The following TIAM1 variants were observed in gnomAD, a reference collection of about 807,000 sequenced individuals.
TIAM1 encodes rho guanine nucleotide exchange factor TIAM1.
A neutral mutation model predicts 163.5 loss-of-function variants in TIAM1; 65 were observed. The ratio of observed to expected loss-of-function variants is 0.40; its 90% CI spans 0.33 to 0.49. TIAM1 has a LOEUF of 0.49. Among genes scored for constraint, TIAM1 ranks in the 20% least tolerant of loss-of-function variants. TIAM1 has a pLI of 0.77. For missense variants in TIAM1, 1,789 were observed against 2,044.7 expected (o/e 0.87, Z 2.41); for synonymous variants, 833 against 810.1 (o/e 1.03, Z -0.48).
chr21:31,556,898 A>C (rs997205320), intron 1 of TIAM1, among the ~76,000 whole-genome samples: 2 of 152,222 alleles, frequency 1.3e-5, no homozygotes, highest in African/African-American at 2.4e-5. Context: ...ATATGCTGGA[A>C]ACCAACAATT....
chr21:31,519,741 G>T (rs1473528745), intron 1 of TIAM1, among the ~76,000 whole-genome samples: 2 of 152,090 alleles, frequency 1.3e-5, no homozygotes, highest in African/African-American at 2.4e-5. Context: ...AGGAAATTCT[G>T]GCACGCACTG....
chr21:31,467,214 C>G (rs2045565717), intron 1 of TIAM1, among the ~76,000 whole-genome samples: 1 of 152,148 alleles, frequency 6.6e-6, no homozygotes, highest in South Asian at 2.1e-4. Context: ...TGCCTGTTGC[C>G]CTGGCTACTT....
At chr21:31,550,842 A>G (rs1303599670) in intron 1 of TIAM1, among the ~76,000 whole-genome samples, 1 of 152,186 alleles carries the variant, frequency 6.6e-6, no homozygotes, top group African/African-American at 2.4e-5. Flanking sequence ...GAGGGATTAA[A>G]AGTCACTGTC....
intron 2 of TIAM1, among the ~76,000 whole-genome samples, chr21:31,398,454 C>T (rs1033777482): frequency 6.6e-6 from 1 of 152,162 alleles, no homozygotes; most frequent in African/African-American, 2.4e-5. Flanking sequence ...TTTTACTCCA[C>T]TAAAAATGAG....
chr21:31,331,871 C>T (rs1051428110), intron 2 of TIAM1, among the ~76,000 whole-genome samples: 2 of 152,176 alleles, frequency 1.3e-5, no homozygotes, highest in African/African-American at 4.8e-5. Flanking sequence ...TCAATACCAA[C>T]TTCATGTGCT....
At chr21:31,148,753 G>A (rs1253850140) in intron 19 of TIAM1, among the ~76,000 whole-genome samples, 3 of 151,950 alleles carry the variant, frequency 2.0e-5, no homozygotes, top group Non-Finnish European at 4.4e-5. Context: ...CAAATATGAG[G>A]GTTTATACAC....
At chr21:31,536,503 C>T (rs1270944057) in intron 1 of TIAM1, among the ~76,000 whole-genome samples, 1 of 152,232 alleles carries the variant, frequency 6.6e-6, no homozygotes, top group Non-Finnish European at 1.5e-5. Context: ...CCGGGACCCA[C>T]TAGAGATTCA....
intron 2 of TIAM1, among the ~76,000 whole-genome samples, chr21:31,442,634 A>G (rs1309926756): frequency 6.6e-6 from 1 of 152,210 alleles, no homozygotes; most frequent in Admixed American, 6.5e-5. Context: ...ACTTGATCAG[A>G]TTATCAAGGG....
At chr21:31,231,370 T>C (rs1050281964) in intron 6 of TIAM1, among the ~76,000 whole-genome samples, 8 of 152,148 alleles carry the variant, frequency 5.3e-5, no homozygotes, top group Admixed American at 5.2e-4. Flanking sequence ...TGTAGTGCAC[T>C]TGGAACCCCA....
intron 1 of TIAM1, among the ~76,000 whole-genome samples, chr21:31,472,599 G>A (rs1027330342): frequency 2.0e-5 from 3 of 152,170 alleles, no homozygotes; most frequent in Non-Finnish European, 4.4e-5. Flanking sequence ...CACATGCCCC[G>A]CATGTTTCAG....
At chr21:31,332,447 T>C (rs1347543882) in intron 2 of TIAM1, among the ~76,000 whole-genome samples, 1 of 152,130 alleles carries the variant, frequency 6.6e-6, no homozygotes, top group Non-Finnish European at 1.5e-5. Flanking sequence ...GAGCCCAGGA[T>C]AAGAACTTTG....
chr21:31,442,790 G>A (rs1181824614), intron 2 of TIAM1, among the ~76,000 whole-genome samples: 1 of 152,148 alleles, frequency 6.6e-6, no homozygotes, highest in Admixed American at 6.5e-5. Context: ...CATCAAGGAG[G>A]GAATTATTGT....
chr21:31,540,841 T>C (rs1187882916), intron 1 of TIAM1, among the ~76,000 whole-genome samples: 7 of 152,136 alleles, frequency 4.6e-5, no homozygotes, highest in African/African-American at 1.7e-4. Flanking sequence ...AAAGTCTACC[T>C]GAAAAGTAAA....
chr21:31,317,481 A>C (rs1307913165), intron 2 of TIAM1, among the ~76,000 whole-genome samples: 2 of 134,888 alleles, frequency 1.5e-5, no homozygotes, highest in African/African-American at 5.6e-5. Flanking sequence ...AAACCAAACA[A>C]ACATAAAACA....
At chr21:31,456,499 A>AT (rs1602324811) in intron 2 of TIAM1, among the ~76,000 whole-genome samples, 1 of 152,238 alleles carries the variant, frequency 6.6e-6, no homozygotes, top group East Asian at 1.9e-4. Context: ...CATTTGGAAG[A>AT]TTTTTTAAGA....
chr21:31,460,103 G>A (rs922892353), intron 2 of TIAM1, among the ~76,000 whole-genome samples: 4 of 152,158 alleles, frequency 2.6e-5, no homozygotes, highest in Non-Finnish European at 5.9e-5. Context: ...AGTCTAGCAC[G>A]TGGTAGACTC....
chr21:31,464,829 C>T (rs2045464375), intron 1 of TIAM1, among the ~76,000 whole-genome samples: 1 of 126,828 alleles, frequency 7.9e-6, no homozygotes, highest in Non-Finnish European at 1.6e-5. Flanking sequence ...GGTGATAGAG[C>T]AAGCTTCCGT....
chr21:31,445,740 G>A (rs1311083687), intron 2 of TIAM1, among the ~76,000 whole-genome samples: 1 of 152,000 alleles, frequency 6.6e-6, no homozygotes, highest in Non-Finnish European at 1.5e-5. Context: ...TTGTTTCCTG[G>A]ATCGGACTAT....
chr21:31,438,400 C>G (rs888975109), intron 2 of TIAM1, among the ~76,000 whole-genome samples: 2 of 151,874 alleles, frequency 1.3e-5, no homozygotes, highest in Non-Finnish European at 2.9e-5. Context: ...CCATGTTGGA[C>G]AGGCTGGTCT....
Sources: allele counts gnomAD v4.1 joint callset (sites outside exome capture counted in the v4.1 genomes callset), GRCh38; gene constraint gnomAD v4.1.1; transcripts MANE v1.5; gene names NCBI Gene and HGNC (gene_info 2026-07-23, HGNC 2026-07-21).